The following PSG9 variants were observed in gnomAD, a reference collection of about 807,000 sequenced individuals.
The protein encoded by PSG9 is pregnancy specific beta-1-glycoprotein 9.
Under a neutral mutation model 41.9 loss-of-function variants are expected in PSG9, and 49 were observed. The observed-to-expected ratio is 1.17, with a 90% confidence interval of 0.93 to 1.48. The LOEUF is 1.48. Among genes scored for constraint, PSG9 ranks in the 40% most tolerant of loss-of-function variants. The probability of loss-of-function intolerance (pLI) is 0.00; values close to 1 mark genes in which losing one functional copy is unlikely to be tolerated. For missense variants in PSG9, 641 were observed against 520.3 expected (o/e 1.23, Z -2.26); for synonymous variants, 263 against 196.8 (o/e 1.34, Z -2.82).
At chr19:43,265,053 T>C (rs1968902854) in intron 2 of PSG9, among the ~76,000 whole-genome samples, 1 of 152,094 alleles carries the variant, frequency 6.6e-6, no homozygotes, top group African/African-American at 2.4e-5. Flanking sequence ...ATCTGGCATC[T>C]AGTCTCAGGC....
At chr19:43,265,653 A>C (rs28550662) in intron 2 of PSG9, among the ~76,000 whole-genome samples, 2 of 152,114 alleles carry the variant, frequency 1.3e-5, no homozygotes, top group South Asian at 4.1e-4. Flanking sequence ...CCTGTTTGGC[A>C]GACTTGGAGT....
In PSG9 at chr19:43,255,200, T is replaced by C. The variant is rs891628853; in HGVS notation, c.1244-1554A>G. Among the ~76,000 whole-genome samples, 5 of 145,796 alleles carry C rather than the reference T, an allele frequency of 3.4e-5. 1 individual carries two copies. The highest frequency in any genetic ancestry group is 1.3e-4 in the African/African-American group (5 of 38,296). On this transcript the variant is annotated intron_variant, in intron 5 of 5. Coordinates refer to ENST00000270077, the MANE Select transcript of PSG9 (RefSeq NM_002784.5). Reference sequence around the variant, plus strand: ...GATGAAAGTACTATAAATAATTGTATGCCAATAAATTGGATAACCTAGATG... The same window carrying C: ...GATGAAAGTACTATAAATAATTGTACGCCAATAAATTGGATAACCTAGATG...
At chr19:43,265,119 T>G (rs576175523) in intron 2 of PSG9, among the ~76,000 whole-genome samples, 6 of 152,250 alleles carry the variant, frequency 3.9e-5, no homozygotes, top group South Asian at 2.1e-4. Flanking sequence ...GAGGAATTTA[T>G]TTTATGGTTT....
chr19:43,267,802 A>C lies in PSG9; in HGVS notation c.412T>G (p.Phe138Val), dbSNP rs750169283. ...CACTCACAGTATAAGGTGAAGGTGA[A>C]ATGTCGAATTTCTTCTCTAGTCTCA... ...GDETREEIRHFTFTLYLETPK... is the reference protein window; with the variant it reads ...GDETREEIRHVTFTLYLETPK... The change falls in exon 2 of 6, where the codon TTC becomes GTC. Residue 138 changes from phenylalanine (F) to valine (V), a missense_variant. Transcript: ENST00000270077. 44 of 1,612,870 alleles carry C rather than the reference A, an allele frequency of 2.7e-5. No homozygotes were observed. Among genetic ancestry groups the C allele is most frequent in the Non-Finnish European group, 3.7e-5 (44 of 1,179,418 alleles).
At chr19:43,267,235 G>C (rs538188965) in intron 2 of PSG9, among the ~76,000 whole-genome samples, 2 of 152,268 alleles carry the variant, frequency 1.3e-5, no homozygotes, top group African/African-American at 4.8e-5. Flanking sequence ...ATGAGACTCT[G>C]AGGGCTGAGC....
intron 5 of PSG9, 60 bp downstream of exon 5, chr19:43,258,142 C>T: frequency 6.3e-7 from 1 of 1,591,690 alleles, no homozygotes; most frequent in Non-Finnish European, 8.5e-7. Flanking sequence ...TGACTCTTCT[C>T]TGAAAGCCAG....
rs778952146 is a variant in PSG9 at position 43,258,456 on chromosome 19, T to A, written c.989A>T (p.Tyr330Phe). Residue 330 changes from tyrosine to phenylalanine, a missense_variant and splice_region_variant, in exon 5 of 6, where the codon TAT (tyrosine) becomes TTT (phenylalanine). Tyr to Phe is a conservative substitution (Grantham distance 22, BLOSUM62 3). Transcript: ENST00000270077. Reference sequence around the variant, plus strand: ...GTAAATTCTGGGGAGGTCTGGACCATCTGGAGGAAAGAGAATAAAGCCACA... The same window carrying A: ...GTAAATTCTGGGGAGGTCTGGACCAACTGGAGGAAAGAGAATAAAGCCACA... The part of the protein sequence containing the change: ...RSNPVILNVL[Y>F]GPDLPRIYPS... 1 of 1,560,842 alleles carries A rather than the reference T, an allele frequency of 6.4e-7. No homozygotes were observed. The highest frequency in any genetic ancestry group is 2.7e-5 in the East Asian group (1 of 37,282).
chr19:43,263,591 C>CAA (rs201166241), intron 2 of PSG9, among the ~76,000 whole-genome samples: 123 of 125,656 alleles, frequency 9.8e-4, no homozygotes, highest in East Asian at 7.5e-3. Context: ...ACTCTAGTAA[C>CAA]AAAAAAAAAA....
At chr19:43,257,949 C>T in intron 5 of PSG9, 1 of 1,437,094 alleles carries the variant, frequency 7.0e-7, no homozygotes, top group Non-Finnish European at 9.1e-7. Flanking sequence ...TCTTCTACCA[C>T]ATAGGGCTCA....
In PSG9 at chr19:43,259,014, A is replaced by G. The variant is rs1568412835; in HGVS notation, c.831T>C (p.Gly277=). 5.7e-6 allele frequency: 9 copies of G among 1,590,666 alleles called. 1 individual carries two copies. Among genetic ancestry groups the G allele is most frequent in the Non-Finnish European group, 5.1e-6 (6 of 1,174,446 alleles). The change falls in exon 4 of 6, where the codon GGT becomes GGC. Residue 277 remains glycine (G), a synonymous_variant. Transcript: ENST00000270077. ...ENYTYIWWLN[G]QSLPVSPGVK... is the part of the protein sequence containing the mutation. ...CCCCGGGACTGACGGGGAGGCTCTGACCGTTTAGCCACCAAATGTAGGTGT... is the reference window on the plus strand; with the variant it reads ...CCCCGGGACTGACGGGGAGGCTCTGGCCGTTTAGCCACCAAATGTAGGTGT...
Position 43,268,172 on chromosome 19 carries a change from G to A in PSG9, c.65-23C>T, listed in dbSNP as rs375033820. On this transcript the variant is annotated intron_variant, in intron 1 of 5. Transcript: ENST00000270077. ...ATGCTAGGAGGGGGAGACAGCATCAGTTAATATTGAGACCTATGTATTGTG... is the reference window on the plus strand; with the variant it reads ...ATGCTAGGAGGGGGAGACAGCATCAATTAATATTGAGACCTATGTATTGTG... 1.2e-5 allele frequency: 19 copies of A among 1,575,710 alleles called. No homozygotes were observed. The African/African-American group carries it at 2.6e-4, about 21-fold the overall frequency.
rs555763400 is a variant in PSG9, at chr19:43,262,073, G to T, written c.496C>A (p.Arg166Ser). The stretch of plus-strand genomic sequence containing the variant: ...AGAGTCTCAGGATCACAGATTAAGC[G>T]CACAGCCTCCATGGCCTCCCTGGGG... ...LNPREAMEAV[R>S]LICDPETLDA... Residue 166 changes from arginine to serine, a missense_variant, in exon 3 of 6, where the codon CGC becomes AGC. Transcript: ENST00000270077. 1.4e-5 allele frequency: 23 copies of T among 1,613,824 alleles called. 1 individual carries two copies. The highest frequency in any genetic ancestry group is 5.3e-5 in the African/African-American group (4 of 74,886).
chr19:43,264,275 A>G lies in PSG9; in HGVS notation c.431-2137T>C, dbSNP rs898656696. On this transcript the variant is annotated intron_variant, in intron 2 of 5. Transcript: ENST00000270077. ...ACAACTACAAAATTTAAAAATTGCT[A>G]TTGTCAAAACAAAATATTAAATATG... 2.0e-5 allele frequency among the ~76,000 whole-genome samples: 3 copies of G among 152,100 alleles called. 1 individual carries two copies. Among genetic ancestry groups the G allele is most frequent in the Non-Finnish European group, 4.4e-5 (3 of 68,002 alleles).
Position 43,254,079 on chromosome 19 carries a change from C to T in PSG9, c.1244-433G>A, listed in dbSNP as rs1173772093. 1.4e-5 allele frequency among the ~76,000 whole-genome samples: 2 copies of T among 145,152 alleles called. 1 individual carries two copies. Among genetic ancestry groups the T allele is most frequent in the Admixed American group, 1.4e-4 (2 of 14,584 alleles). ...CCCACAAGTAGTCAGTAACCATGTC[C>T]TAGTGTTTTATGTGTTACCTCTTTT... On this transcript the variant is annotated intron_variant, in intron 5 of 5. Transcript: ENST00000270077.
intron 5 of PSG9, among the ~76,000 whole-genome samples, chr19:43,256,492 A>G (rs4803589): frequency 0.015 from 2,233 of 147,026 alleles, 325 homozygotes; most frequent in African/African-American, 0.053. Context: ...GTCAACAACA[A>G]CAAACATCCA....
intron 1 of PSG9, 93 bp from the exon 2 acceptor site, chr19:43,268,242 T>A: frequency 6.9e-7 from 1 of 1,448,216 alleles, no homozygotes; most frequent in Non-Finnish European, 9.3e-7. Context: ...TCTTCCATCC[T>A]CAGCCTTGAA....
At position 43,262,147 on chromosome 19, in the gene PSG9, A is replaced by C. The variant is rs376022285; in HGVS notation, c.431-9T>G. ...GGGCTTGGGAGTCTCCACTGTGCAG[A>C]AAACAGAGAGAAGATTGCCCTGTGT... On this transcript the variant is annotated splice_polypyrimidine_tract_variant and intron_variant, in intron 2 of 5. Coordinates refer to ENST00000270077, the MANE Select transcript of PSG9 (RefSeq NM_002784.5). The C allele has an allele frequency of 1.9e-6, 3 of 1,609,944 alleles. No individual in the cohort carries two copies. In the East Asian group the frequency reaches 6.7e-5, roughly 36 times the overall value.
At chr19:43,268,194 TGTG>T (rs768784634) in intron 1 of PSG9, 45 bp from the exon 2 acceptor site, 1 of 1,538,536 alleles carries the variant, frequency 6.5e-7, no homozygotes, top group African/African-American at 1.4e-5. Flanking sequence ...ACCTATGTAT[TGTG>T]GTGAAAAGAT....
intron 1 of PSG9, among the ~76,000 whole-genome samples, chr19:43,269,157 A>G (rs1219465457): frequency 6.6e-6 from 1 of 151,802 alleles, no homozygotes; most frequent in Non-Finnish European, 1.5e-5. Flanking sequence ...GGAGTACACC[A>G]CCATACCTGG....
Sources: gnomAD v4.1 joint callset for allele counts (sites outside exome capture counted in the v4.1 genomes callset) on GRCh38, gnomAD v4.1.1 for gene constraint, MANE v1.5 for transcripts, NCBI Gene and HGNC (gene_info 2026-07-23, HGNC 2026-07-21) for gene names.